SPOP: variants seen among roughly 807,000 people sequenced by gnomAD.
The protein encoded by SPOP is speckle type BTB/POZ protein, also known as speckle-type POZ protein.
Under a neutral mutation model 45.6 loss-of-function variants are expected in SPOP, and 11 were observed. The observed-to-expected ratio is 0.24, with a 90% CI of 0.15 to 0.40. SPOP has a LOEUF of 0.40. Ranked by LOEUF, SPOP falls within the 10% of genes least tolerant of loss-of-function variation. SPOP has a pLI of 1.00. For missense variants in SPOP, 152 were observed against 465.6 expected (o/e 0.33, Z 6.20); for synonymous variants, 166 against 166.3 (o/e 1.00, Z 0.01).
intron 1 of SPOP, among the ~76,000 whole-genome samples, chr17:49,662,686 C>CA (rs1328037454): frequency 2.0e-3 from 231 of 117,154 alleles, no homozygotes; most frequent in Admixed American, 3.4e-3. Flanking sequence ...GACTCCATCT[C>CA]AAAAAAAAAA....
chr17:49,665,701 T>C (rs1407973589), intron 1 of SPOP, among the ~76,000 whole-genome samples: 1 of 97,428 alleles, frequency 1.0e-5, no homozygotes, highest in Admixed American at 1.1e-4. Flanking sequence ...CACACCAATC[T>C]GGCCAGGTGC....
chr17:49,607,389 G>T lies in SPOP; in HGVS notation c.715-17C>A, dbSNP rs748641709. On this transcript the variant is annotated splice_polypyrimidine_tract_variant and intron_variant, in intron 7 of 9. Transcript: ENST00000504102. The stretch of plus-strand genomic sequence containing the variant: ...AACTCGATTCTATGCCAGAAAAACT[G>T]AATATGAGAAACATTCCAACAGAAC... 1.2e-6 allele frequency: 2 copies of T among 1,609,222 alleles called. No homozygotes were observed. The highest frequency in any genetic ancestry group is 1.7e-6 in the Non-Finnish European group (2 of 1,177,460).
rs1327381298 is a variant in SPOP at position 49,611,413 on chromosome 17, G to T, written c.525C>A (p.Thr175=). The part of the protein sequence containing the change: ...QDSVNISGQN[T]MNMVKVPECR... ...ACTCAGGAACCTTTACCATGTTCAT[G>T]GTATTCTGGCCAGAAATGTTGACAG... Residue 175 remains threonine (T), a synonymous_variant, in exon 6 of 10, where the codon ACC becomes ACA. Coordinates refer to ENST00000504102, the MANE Select transcript of SPOP (RefSeq NM_001007228.2). 1.2e-6 allele frequency: 2 copies of T among 1,613,920 alleles called. No individual in the cohort carries two copies. Among genetic ancestry groups the T allele is most frequent in the East Asian group, 4.5e-5 (2 of 44,894 alleles).
intron 1 of SPOP, among the ~76,000 whole-genome samples, chr17:49,650,138 G>A (rs911665478): frequency 1.9e-4 from 29 of 151,988 alleles, no homozygotes; most frequent in African/African-American, 6.0e-4. Flanking sequence ...TGATTCGCCC[G>A]CCTTGGCCTC....
At chr17:49,625,885 C>G (rs1389041379) in intron 1 of SPOP, among the ~76,000 whole-genome samples, 1 of 152,166 alleles carries the variant, frequency 6.6e-6, no homozygotes, top group Non-Finnish European at 1.5e-5. Flanking sequence ...TCAAGTTTAT[C>G]TCTTGTGATT....
At chr17:49,664,490 A>G (rs77359988) in intron 1 of SPOP, among the ~76,000 whole-genome samples, 4,704 of 152,288 alleles carry the variant, frequency 0.031, 252 homozygotes, top group African/African-American at 0.11. Context: ...ATATTTTTAA[A>G]TGTCTTCCAT....
chr17:49,666,571 T>C (rs996790533), intron 1 of SPOP, among the ~76,000 whole-genome samples: 6 of 151,996 alleles, frequency 3.9e-5, no homozygotes, highest in Middle Eastern at 3.2e-3. Flanking sequence ...CTCATGTCTG[T>C]AATCCCAGTA....
Position 49,599,563 on chromosome 17 carries a change from AG to A in SPOP, c.*814del, listed in dbSNP as rs1221951157. On this transcript the variant is annotated 3_prime_UTR_variant, in exon 10 of 10. Coordinates refer to ENST00000504102, the MANE Select transcript of SPOP (RefSeq NM_001007228.2). Reference sequence around the variant, plus strand: ...GGTGGGGGAGAAGAAATAAAATCAGAGAAAAATGCCCAAAAACATTTTCCAC... The same window carrying A: ...GGTGGGGGAGAAGAAATAAAATCAGAAAAAATGCCCAAAAACATTTTCCAC... 4.6e-6 allele frequency: 1 copy of A among 218,636 alleles called. No homozygotes were observed. The highest frequency in any genetic ancestry group is 9.2e-6 in the Non-Finnish European group (1 of 108,976). 13.5% of individuals were successfully genotyped at this position (218,636 alleles called of 1,614,324 possible).
In SPOP at chr17:49,600,712, C is replaced by A; in HGVS notation, c.981-190G>T. The stretch of plus-strand genomic sequence containing the variant: ...AGACTGGTGACTTGCCTGTGGCTGT[C>A]GTCATCTGAAAACCAAGACTTTGAG... On this transcript the variant is annotated intron_variant, in intron 9 of 9. Coordinates refer to ENST00000504102, the MANE Select transcript of SPOP (RefSeq NM_001007228.2). This position sits in a 1 kb window ranked among gnomAD's most constrained non-coding sequence, Gnocchi z 4.2. 1 of 611,966 alleles carries A rather than the reference C, an allele frequency of 1.6e-6. No individual in the cohort carries two copies. The allele number at this position is 611,966 out of a possible 1,614,324, so 37.9% of individuals were successfully genotyped here.
intron 5 of SPOP, among the ~76,000 whole-genome samples, chr17:49,614,413 C>T (rs1402336196): frequency 2.0e-5 from 3 of 152,224 alleles, no homozygotes; most frequent in African/African-American, 7.2e-5. Context: ...TTATAAAGCT[C>T]CAAAACAAGT....
intron 3 of SPOP, among the ~76,000 whole-genome samples, chr17:49,621,697 T>G (rs1164514208): frequency 6.6e-6 from 1 of 152,042 alleles, no homozygotes; most frequent in African/African-American, 2.4e-5. Context: ...ACACTGGCTT[T>G]CTTTATTTAT....
At chr17:49,645,302 CCTT>C (rs1239505168) in intron 1 of SPOP, among the ~76,000 whole-genome samples, 1 of 151,710 alleles carries the variant, frequency 6.6e-6, no homozygotes, top group South Asian at 2.1e-4. Flanking sequence ...TTCTTTCTTT[CCTT>C]CTTTTTTTTT....
At chr17:49,611,543 T>C in intron 5 of SPOP, 86 bp from the exon 6 acceptor site, 1 of 1,208,964 alleles carries the variant, frequency 8.3e-7, no homozygotes, top group Non-Finnish European at 1.2e-6. Flanking sequence ...CTAACTGCTG[T>C]AGTACATTCA....
intron 1 of SPOP, among the ~76,000 whole-genome samples, chr17:49,674,211 G>A (rs145377789): frequency 2.0e-5 from 3 of 152,274 alleles, no homozygotes; most frequent in African/African-American, 7.2e-5. Flanking sequence ...GGTAAGGCTG[G>A]CCTCATAGAA....
At chr17:49,640,008 G>A (rs2072615977) in intron 1 of SPOP, among the ~76,000 whole-genome samples, 1 of 152,182 alleles carries the variant, frequency 6.6e-6, no homozygotes, top group Admixed American at 6.5e-5. Context: ...CGAACACTTT[G>A]GGAGGCTGAG....
Position 49,599,770 on chromosome 17 carries a change from A to T in SPOP, c.*608T>A, listed in dbSNP as rs909367277. 2 of 204,516 alleles carry T rather than the reference A, an allele frequency of 9.8e-6. No homozygotes were observed. The highest frequency in any genetic ancestry group is 2.0e-5 in the Non-Finnish European group (2 of 99,598). The allele number at this position is 204,516 out of a possible 1,614,324, so 12.7% of individuals were successfully genotyped here. A position where few individuals can be genotyped will look rare whatever the true frequency, so the allele number is the denominator to read the frequency against. On this transcript the variant is annotated 3_prime_UTR_variant, in exon 10 of 10. Transcript: ENST00000504102. ...CACTTGTCATTTTTCATAAAAGGAT[A>T]AAAGGATGTATTCTGTTCTTGCAAA...
chr17:49,659,991 C>G (rs2072965672), intron 1 of SPOP, among the ~76,000 whole-genome samples: 1 of 152,232 alleles, frequency 6.6e-6, no homozygotes, highest in African/African-American at 2.4e-5. Context: ...TAACATACTT[C>G]TCAAATCCAT....
chr17:49,675,828 C>T (rs1316700448), intron 1 of SPOP: 1 of 152,160 alleles, frequency 6.6e-6, no homozygotes, highest in Non-Finnish European at 1.5e-5. Context: ...TCGAGACCAG[C>T]TTGGCCAACA....
chr17:49,671,757 G>C (rs2073138524), intron 1 of SPOP, among the ~76,000 whole-genome samples: 1 of 152,192 alleles, frequency 6.6e-6, no homozygotes, highest in South Asian at 2.1e-4. Flanking sequence ...TGTAATCCCA[G>C]GACTTTGGGA....
Sources: allele counts gnomAD v4.1 joint callset (sites outside exome capture counted in the v4.1 genomes callset), GRCh38; gene constraint gnomAD v4.1.1; non-coding constraint Gnocchi (gnomAD v3.1); transcripts MANE v1.5; gene names NCBI Gene and HGNC (gene_info 2026-07-23, HGNC 2026-07-21).